The following MBD5 variants were observed in gnomAD, a reference collection of about 807,000 sequenced individuals.
MBD5 encodes methyl-CpG binding domain protein 5, also known as methyl-CpG-binding domain protein 5.
MBD5 carries 13 observed loss-of-function variants against 117.3 expected under a neutral mutation model. That is an observed-to-expected ratio of 0.11 (90% CI 0.07 to 0.18). MBD5 has a LOEUF of 0.18. Ranked by LOEUF, MBD5 falls within the 10% of genes least tolerant of loss-of-function variation. The pLI is 1.00. For missense variants in MBD5, 1,879 were observed against 2,093.8 expected (o/e 0.90, Z 2.00); for synonymous variants, 727 against 766.4 (o/e 0.95, Z 0.85).
intron 3 of MBD5, among the ~76,000 whole-genome samples, chr2:148,285,504 A>G (rs574946163): frequency 6.6e-6 from 1 of 152,360 alleles, no homozygotes; most frequent in South Asian, 2.1e-4. Context: ...TTTATTGTAG[A>G]TGTAAATTAG....
Position 148,194,715 on chromosome 2 carries a change from C to G in MBD5, c.-831+15922C>G, listed in dbSNP as rs187203661. 3.9e-3 allele frequency among the ~76,000 whole-genome samples: 459 copies of G among 117,882 alleles called. 1 individual carries two copies. The highest frequency in any genetic ancestry group is 0.013 in the African/African-American group (428 of 32,720). The allele number at this position is 117,882 out of a possible 152,430, so 77.3% of individuals were successfully genotyped here. ...GCATGGCACATGTATACATATGTAACTAACCTGCACAATGTGCACATGTAC... is the reference window on the plus strand; with the variant it reads ...GCATGGCACATGTATACATATGTAAGTAACCTGCACAATGTGCACATGTAC... On this transcript the variant is annotated intron_variant, in intron 2 of 13. Transcript: ENST00000642680.
At chr2:148,278,585 T>G (rs1701168694) in intron 3 of MBD5, among the ~76,000 whole-genome samples, 1 of 152,222 alleles carries the variant, frequency 6.6e-6, no homozygotes, top group African/African-American at 2.4e-5. Context: ...CACTTTTTTC[T>G]CATTTAATGT....
At chr2:148,035,046 G>A (rs1328762628) in intron 1 of MBD5, among the ~76,000 whole-genome samples, 1 of 152,044 alleles carries the variant, frequency 6.6e-6, no homozygotes, top group Admixed American at 6.6e-5. Context: ...ATATCTCAGA[G>A]TTGTCATGAC....
At chr2:148,119,577 C>T (rs1696718659) in intron 1 of MBD5, among the ~76,000 whole-genome samples, 1 of 152,048 alleles carries the variant, frequency 6.6e-6, no homozygotes, top group African/African-American at 2.4e-5. Flanking sequence ...GAGTTCTTTG[C>T]CTAACCTAAG....
chr2:148,256,673 T>G (rs1243067964), intron 3 of MBD5, among the ~76,000 whole-genome samples: 2 of 152,232 alleles, frequency 1.3e-5, no homozygotes, highest in Non-Finnish European at 2.9e-5. Flanking sequence ...TAGGTTGGAC[T>G]GCAACAGCGG....
At chr2:148,196,994 C>T (rs1356141340) in intron 2 of MBD5, among the ~76,000 whole-genome samples, 1 of 152,058 alleles carries the variant, frequency 6.6e-6, no homozygotes, top group Non-Finnish European at 1.5e-5. Context: ...TTGCCAAAAC[C>T]AGCTACAGAA....
At chr2:148,409,062 T>G (rs563905222) in intron 4 of MBD5, among the ~76,000 whole-genome samples, 1 of 152,168 alleles carries the variant, frequency 6.6e-6, no homozygotes, top group South Asian at 2.1e-4. Context: ...AAGGGATGAT[T>G]GTATTCAACT....
At chr2:148,424,118 C>T (rs1288885534) in intron 4 of MBD5, among the ~76,000 whole-genome samples, 8 of 129,434 alleles carry the variant, frequency 6.2e-5, no homozygotes, top group South Asian at 2.7e-4. Flanking sequence ...GCGGAGCTTG[C>T]GGTGAGCTGA....
intron 4 of MBD5, among the ~76,000 whole-genome samples, chr2:148,456,040 C>T (rs1342881959): frequency 6.6e-6 from 1 of 152,142 alleles, no homozygotes; most frequent in South Asian, 2.1e-4. Flanking sequence ...GTCCTAACTT[C>T]CTCATCCCTC....
intron 3 of MBD5, among the ~76,000 whole-genome samples, chr2:148,275,080 A>G (rs1175903137): frequency 6.6e-6 from 1 of 152,018 alleles, no homozygotes; most frequent in East Asian, 1.9e-4. Flanking sequence ...TAATCTGATT[A>G]TTTTTTGTTT....
At chr2:148,084,405 A>G (rs1214150776) in intron 1 of MBD5, among the ~76,000 whole-genome samples, 1 of 152,234 alleles carries the variant, frequency 6.6e-6, no homozygotes, top group African/African-American at 2.4e-5. Flanking sequence ...ACCTCAGGTA[A>G]TATCTATTCT....
At position 148,252,946 on chromosome 2, in the gene MBD5, G is replaced by A. The variant is rs939575167; in HGVS notation, c.-680+19551G>A. ...TCATCATGGCATTGTGGTGTCTGAA[G>A]AATGTGTCTTGAACTATTGTTATGG... is the stretch of plus-strand genomic sequence containing the variant. On this transcript the variant is annotated intron_variant, in intron 3 of 13. Coordinates refer to ENST00000642680, the MANE Select transcript of MBD5 (RefSeq NM_001378120.1). Among the ~76,000 whole-genome samples, 3 of 152,186 alleles carry A rather than the reference G, an allele frequency of 2.0e-5. No homozygotes were observed. In the South Asian group the frequency reaches 6.2e-4, roughly 31 times the overall value.
At chr2:148,120,359 T>C (rs1310277599) in intron 1 of MBD5, among the ~76,000 whole-genome samples, 7 of 152,198 alleles carry the variant, frequency 4.6e-5, no homozygotes, top group Non-Finnish European at 8.8e-5. Flanking sequence ...AGGGATTGCG[T>C]TGAATATGTA....
chr2:148,406,915 C>T (rs1292678523), intron 4 of MBD5, among the ~76,000 whole-genome samples: 2 of 152,122 alleles, frequency 1.3e-5, no homozygotes, highest in Non-Finnish European at 2.9e-5. Flanking sequence ...TCTTTCCTGC[C>T]CATATGCTCT....
rs552143274 is a variant in MBD5, at chr2:148,417,118, T to C, written c.-556-41085T>C. Among the ~76,000 whole-genome samples, 3 of 152,200 alleles carry C rather than the reference T, an allele frequency of 2.0e-5. No individual in the cohort carries two copies. In the South Asian group the frequency reaches 6.2e-4, roughly 32 times the overall value. ...AAACATACATGTGCAGGTATCTTCTTGACATAATGAATTTTTGTTTTTTAG... is the reference window on the plus strand; with the variant it reads ...AAACATACATGTGCAGGTATCTTCTCGACATAATGAATTTTTGTTTTTTAG... On this transcript the variant is annotated intron_variant, in intron 4 of 13. Coordinates refer to ENST00000642680, the MANE Select transcript of MBD5 (RefSeq NM_001378120.1).
intron 2 of MBD5, among the ~76,000 whole-genome samples, chr2:148,213,070 T>C (rs1699465784): frequency 1.3e-5 from 2 of 152,212 alleles, no homozygotes; most frequent in African/African-American, 4.8e-5. Flanking sequence ...CACCAGCCAG[T>C]AAGCTCTTTG....
At chr2:148,246,670 A>C (rs1218427399) in intron 3 of MBD5, among the ~76,000 whole-genome samples, 2 of 147,658 alleles carry the variant, frequency 1.4e-5, no homozygotes, top group East Asian at 4.1e-4. Flanking sequence ...AGGCTGAGGC[A>C]GGAGAATTGC....
At chr2:148,398,543 TG>T (rs1704808639) in intron 4 of MBD5, among the ~76,000 whole-genome samples, 1 of 152,248 alleles carries the variant, frequency 6.6e-6, no homozygotes, top group Admixed American at 6.5e-5. Context: ...TGGTAGATTC[TG>T]GGTATTAGCC....
At chr2:148,509,671 T>C (rs1014481769) in intron 12 of MBD5, among the ~76,000 whole-genome samples, 1 of 152,142 alleles carries the variant, frequency 6.6e-6, no homozygotes, top group Non-Finnish European at 1.5e-5. Context: ...CTTCCTCTGA[T>C]CACACAGTCA....
Sources: gnomAD v4.1 joint callset for allele counts (sites outside exome capture counted in the v4.1 genomes callset) on GRCh38, gnomAD v4.1.1 for gene constraint, MANE v1.5 for transcripts, NCBI Gene and HGNC (gene_info 2026-07-23, HGNC 2026-07-21) for gene names.